The following TADA1 variants were observed in gnomAD, a reference collection of about 807,000 sequenced individuals.
The protein encoded by TADA1 is transcriptional adapter 1.
TADA1 carries 23 observed loss-of-function variants against 39.3 expected under a neutral mutation model. That is an observed-to-expected ratio of 0.58 (90% confidence interval 0.42 to 0.83). TADA1 has a LOEUF of 0.83. Ranked by LOEUF, TADA1 falls within the 40% of genes least tolerant of loss-of-function variation. The probability of loss-of-function intolerance (pLI) is 0.00; values close to 1 mark genes in which losing one functional copy is unlikely to be tolerated. For missense variants in TADA1, 352 were observed against 408.1 expected (o/e 0.86, Z 1.18); for synonymous variants, 137 against 151.8 (o/e 0.90, Z 0.72).
intron 3 of TADA1, among the ~76,000 whole-genome samples, chr1:166,868,316 G>A (rs1257153956): frequency 6.6e-6 from 1 of 152,160 alleles, no homozygotes; most frequent in Non-Finnish European, 1.5e-5. Flanking sequence ...CCTACCTCTT[G>A]TTATCTACCA....
At chr1:166,876,139 C>G (rs375805294) in intron 1 of TADA1, 21 bp downstream of exon 1, 1 of 1,605,102 alleles carries the variant, frequency 6.2e-7, no homozygotes, top group Non-Finnish European at 8.5e-7. Context: ...GGCCTGGACG[C>G]TGTGCTAGGG....
chr1:166,871,107 A>C (rs577910699), intron 1 of TADA1, among the ~76,000 whole-genome samples: 80 of 152,356 alleles, frequency 5.3e-4, no homozygotes, highest in African/African-American at 1.8e-3. Flanking sequence ...ACATCTCAGC[A>C]CAAAGAAAAT....
intron 1 of TADA1, among the ~76,000 whole-genome samples, chr1:166,873,015 G>A (rs965186112): frequency 6.6e-6 from 1 of 152,186 alleles, no homozygotes; most frequent in African/African-American, 2.4e-5. Context: ...ACGCTTGTAA[G>A]CCTGGCATTT....
chr1:166,871,743 T>G (rs1658664537), intron 1 of TADA1, among the ~76,000 whole-genome samples: 1 of 152,152 alleles, frequency 6.6e-6, no homozygotes, highest in Non-Finnish European at 1.5e-5. Context: ...TTATACATTT[T>G]TTTAAAGGAC....
At chr1:166,870,127 C>A (rs987058485) in intron 1 of TADA1, among the ~76,000 whole-genome samples, 4 of 152,158 alleles carry the variant, frequency 2.6e-5, no homozygotes, top group Admixed American at 2.6e-4. Flanking sequence ...CATTCCCTGG[C>A]TCTATGGGCT....
At chr1:166,866,859 C>T (rs1186772080) in intron 3 of TADA1, among the ~76,000 whole-genome samples, 1 of 151,940 alleles carries the variant, frequency 6.6e-6, no homozygotes, top group Non-Finnish European at 1.5e-5. Flanking sequence ...ATTCTCCTGC[C>T]TCAGCCTCCC....
chr1:166,869,378 A>G (rs1658607539), intron 3 of TADA1, 67 bp downstream of exon 3: 1 of 1,358,748 alleles, frequency 7.4e-7, no homozygotes, highest in Non-Finnish European at 1.0e-6. Context: ...AGCTGTGTCT[A>G]TTAGAGAAAG....
At chr1:166,869,629 A>AATTAT in intron 2 of TADA1, 119 bp from the exon 3 acceptor site, 1 of 1,374,374 alleles carries the variant, frequency 7.3e-7, no homozygotes, top group Non-Finnish European at 1.0e-6. Flanking sequence ...CTTTATACTT[A>AATTAT]AAGTATCCAC....
intron 1 of TADA1, 133 bp downstream of exon 1, chr1:166,876,027 G>A (rs1481252017): frequency 1.1e-6 from 1 of 881,422 alleles, no homozygotes; most frequent in Non-Finnish European, 1.6e-6. Flanking sequence ...GAGAAACCCC[G>A]AAGCCCCGCC....
chr1:166,863,776 C>T (rs1658468421), intron 4 of TADA1, 48 bp downstream of exon 4: 1 of 1,524,784 alleles, frequency 6.6e-7, no homozygotes. Context: ...TCCCAACATG[C>T]CACTACTTCA....
At chr1:166,865,782 G>A (rs563916421) in intron 3 of TADA1, among the ~76,000 whole-genome samples, 221 of 151,696 alleles carry the variant, frequency 1.5e-3, no homozygotes, top group African/African-American at 5.1e-3. Flanking sequence ...AAGCACCACT[G>A]CACTCCAGCA....
At chr1:166,859,349 A>G (rs1461057833) in intron 6 of TADA1, among the ~76,000 whole-genome samples, 2 of 152,188 alleles carry the variant, frequency 1.3e-5, no homozygotes, top group African/African-American at 4.8e-5. Context: ...TGCAAGTCCC[A>G]GTTATCTCTT....
intron 4 of TADA1, 66 bp from the exon 5 acceptor site, chr1:166,862,478 C>T (rs2101788579): frequency 7.5e-7 from 1 of 1,331,812 alleles, no homozygotes; most frequent in Non-Finnish European, 1.1e-6. Flanking sequence ...AAGTAAACTC[C>T]TGTACTGAAG....
At chr1:166,860,099 C>A (rs1658373482) in intron 6 of TADA1, 87 bp downstream of exon 6, 4 of 1,358,486 alleles carry the variant, frequency 2.9e-6, no homozygotes, top group Non-Finnish European at 4.0e-6. Flanking sequence ...CCTATGAAAA[C>A]ACAATCAATT....
At chr1:166,863,303 C>T (rs1658456535) in intron 4 of TADA1, 1 of 154,156 alleles carries the variant, frequency 6.5e-6, no homozygotes, top group Non-Finnish European at 1.4e-5. Flanking sequence ...ATAAAGCTAT[C>T]AATACCCCAT....
At chr1:166,870,443 A>G (rs1369830127) in intron 1 of TADA1, among the ~76,000 whole-genome samples, 1 of 152,230 alleles carries the variant, frequency 6.6e-6, no homozygotes, top group Non-Finnish European at 1.5e-5. Flanking sequence ...CTGTTGTTTA[A>G]GCGAACCAGT....
At chr1:166,857,981 A>T in intron 7 of TADA1, 138 bp downstream of exon 7, 1 of 1,153,522 alleles carries the variant, frequency 8.7e-7, no homozygotes, top group Non-Finnish European at 1.2e-6. Context: ...GGCTAGTATT[A>T]ATAACGGCTT....
intron 4 of TADA1, 71 bp downstream of exon 4, chr1:166,863,753 A>G: frequency 7.2e-7 from 1 of 1,386,260 alleles, no homozygotes; most frequent in Non-Finnish European, 1.0e-6. Context: ...ATTCATTTAA[A>G]AACTAAAGCT....
At chr1:166,869,302 G>T in intron 3 of TADA1, 143 bp downstream of exon 3, 26 of 498,000 alleles carry the variant, frequency 5.2e-5, no homozygotes, top group Non-Finnish European at 6.4e-5. Flanking sequence ...TTCTGTAAAA[G>T]AATTTGTATC....
Sources: allele counts gnomAD v4.1 joint callset (sites outside exome capture counted in the v4.1 genomes callset), GRCh38; gene constraint gnomAD v4.1.1; transcripts MANE v1.5; gene names NCBI Gene and HGNC (gene_info 2026-07-23, HGNC 2026-07-21).